The following NTRK3 variants were observed in gnomAD, a reference collection of about 807,000 sequenced individuals.
The protein encoded by NTRK3 is neurotrophic receptor tyrosine kinase 3.
In NTRK3, 24 loss-of-function variants were observed where a neutral mutation model predicts 91.7. The observed-to-expected ratio is 0.26, with a 90% CI of 0.19 to 0.37. The LOEUF is 0.37. NTRK3 is among the 10% of genes least tolerant of loss of function. NTRK3 has a pLI of 1.00. For synonymous variants in NTRK3, 483 were observed against 404.0 expected (o/e 1.20, Z -2.34); for missense variants, 880 against 1,068.9 (o/e 0.82, Z 2.46).
Position 87,871,261 on chromosome 15 carries a change from T to C in NTRK3, c.*5674A>G, listed in dbSNP as rs1350106326. ...CTTTCATAGGAAAATAAGGAAAATA[T>C]GCTTGAGGAGAATGAGTCATGCAGA... On this transcript the variant is annotated 3_prime_UTR_variant, in exon 19 of 19. Transcript: ENST00000394480. 1.3e-5 allele frequency: 3 copies of C among 231,108 alleles called. No individual in the cohort carries two copies. The East Asian group carries it at 1.8e-4, about 14-fold the overall frequency. 14.3% of individuals were successfully genotyped at this position (231,108 alleles called of 1,614,324 possible).
chr15:87,878,402 G>A (rs114533759), intron 18 of NTRK3, among the ~76,000 whole-genome samples: 18 of 152,198 alleles, frequency 1.2e-4, no homozygotes, highest in African/African-American at 4.3e-4. Context: ...GTCAGCATCC[G>A]CCTGGTTATA....
chr15:88,224,416 G>A (rs1184010235), intron 3 of NTRK3, among the ~76,000 whole-genome samples: 2 of 152,198 alleles, frequency 1.3e-5, no homozygotes, highest in Non-Finnish European at 1.5e-5. Context: ...CTGCATTCCG[G>A]GGCCTCAACA....
chr15:88,078,877 A>G (rs2047791582), intron 13 of NTRK3, among the ~76,000 whole-genome samples: 1 of 152,222 alleles, frequency 6.6e-6, no homozygotes, highest in Non-Finnish European at 1.5e-5. Context: ...GTGGACGAGC[A>G]CGGGGGAAAG....
chr15:87,929,726 C>T (rs1387467098), intron 16 of NTRK3, among the ~76,000 whole-genome samples: 1 of 152,172 alleles, frequency 6.6e-6, no homozygotes, highest in East Asian at 1.9e-4. Flanking sequence ...TTCACAGGTG[C>T]TAGATGTCTA....
chr15:88,030,459 A>G (rs530892393), intron 14 of NTRK3, among the ~76,000 whole-genome samples: 1 of 152,254 alleles, frequency 6.6e-6, no homozygotes, highest in Non-Finnish European at 1.5e-5. Flanking sequence ...AACACACCAG[A>G]GAGTCATCCC....
At chr15:87,861,294 A>G in exon 19 of NTRK3, 1 of 217,916 alleles carries the variant, frequency 4.6e-6, no homozygotes, top group Non-Finnish European at 9.2e-6. Flanking sequence ...CCTCTCAGGG[A>G]ACGTAATATC....
chr15:87,987,832 G>A (rs901706355), intron 14 of NTRK3, among the ~76,000 whole-genome samples: 5 of 151,582 alleles, frequency 3.3e-5, no homozygotes, highest in South Asian at 2.1e-4. Context: ...GGCCGAGATC[G>A]TGACACTGCA....
chr15:88,249,156 A>C (rs571022268), intron 3 of NTRK3, among the ~76,000 whole-genome samples: 8 of 152,262 alleles, frequency 5.3e-5, no homozygotes, highest in South Asian at 2.1e-4. Flanking sequence ...ATGATGGGAC[A>C]AGCCAGGCAG....
intron 13 of NTRK3, among the ~76,000 whole-genome samples, chr15:88,098,126 A>G (rs2049808902): frequency 6.6e-6 from 1 of 152,266 alleles, no homozygotes; most frequent in Non-Finnish European, 1.5e-5. Flanking sequence ...TACTGAAAGG[A>G]TAAGGCCAAT....
intron 14 of NTRK3, among the ~76,000 whole-genome samples, chr15:87,971,075 C>T (rs2073218755): frequency 6.6e-6 from 1 of 152,260 alleles, no homozygotes; most frequent in East Asian, 1.9e-4. Flanking sequence ...CAAGAAATGC[C>T]AAATTGACAG....
intron 14 of NTRK3, among the ~76,000 whole-genome samples, chr15:88,023,893 G>A (rs1239881638): frequency 6.6e-6 from 1 of 152,212 alleles, no homozygotes; most frequent in Non-Finnish European, 1.5e-5. Context: ...CTGGTTCCAG[G>A]AAGGGCCCCA....
chr15:88,085,194 G>C (rs2048388214), intron 13 of NTRK3, among the ~76,000 whole-genome samples: 1 of 152,168 alleles, frequency 6.6e-6, no homozygotes, highest in East Asian at 1.9e-4. Flanking sequence ...TAACCACTTA[G>C]ATAAGGGATG....
chr15:87,905,427 A>G (rs1318095871), intron 17 of NTRK3, among the ~76,000 whole-genome samples: 4 of 152,136 alleles, frequency 2.6e-5, no homozygotes, highest in African/African-American at 9.7e-5. Flanking sequence ...AGGTTACCAT[A>G]TTATGCGTAA....
intron 17 of NTRK3, chr15:87,908,644 A>G (rs2066911739): frequency 2.5e-6 from 1 of 399,220 alleles, no homozygotes; most frequent in Non-Finnish European, 4.4e-6. Flanking sequence ...GCATGGAAGG[A>G]TGAAAGGAGG....
intron 15 of NTRK3, 23 bp from the exon 16 acceptor site, chr15:87,933,207 G>A (rs200337960): frequency 5.5e-5 from 89 of 1,613,618 alleles, no homozygotes; most frequent in Non-Finnish European, 6.9e-5. Context: ...CAGGACACAG[G>A]TGTTTAACAA....
intron 14 of NTRK3, among the ~76,000 whole-genome samples, chr15:87,975,215 A>G (rs1215401671): frequency 6.6e-6 from 1 of 152,160 alleles, no homozygotes; most frequent in African/African-American, 2.4e-5. Context: ...GCTAGTAAAA[A>G]AGTCCAGCCT....
chr15:88,165,601 CTG>C (rs2044858006), intron 5 of NTRK3, among the ~76,000 whole-genome samples: 1 of 152,158 alleles, frequency 6.6e-6, no homozygotes, highest in Non-Finnish European at 1.5e-5. Flanking sequence ...AACGTTTACT[CTG>C]TGTTTGTTAG....
intron 13 of NTRK3, among the ~76,000 whole-genome samples, chr15:88,047,199 C>CTA (rs1567288901): frequency 2.6e-5 from 4 of 152,300 alleles, no homozygotes; most frequent in African/African-American, 9.6e-5. Context: ...ACTAGTAGCA[C>CTA]GTGGCTGCTC....
chr15:88,099,493 G>C (rs1002379897), intron 13 of NTRK3, among the ~76,000 whole-genome samples: 1 of 152,186 alleles, frequency 6.6e-6, no homozygotes, highest in African/African-American at 2.4e-5. Flanking sequence ...TTTACTGACT[G>C]ATCTCATCCC....
Sources: allele counts gnomAD v4.1 joint callset (sites outside exome capture counted in the v4.1 genomes callset), GRCh38; gene constraint gnomAD v4.1.1; transcripts MANE v1.5; gene names NCBI Gene and HGNC (gene_info 2026-07-23, HGNC 2026-07-21).